The following SLCO4A1 variants were observed in gnomAD, a reference collection of about 807,000 sequenced individuals.
SLCO4A1 encodes the protein colon organic anion transporter.
A neutral mutation model predicts 64.6 loss-of-function variants in SLCO4A1; 51 were observed. The ratio of observed to expected loss-of-function variants is 0.79; its 90% CI spans 0.63 to 1.00. The LOEUF (loss-of-function observed/expected upper bound fraction) is 1.00, where lower values mean the gene tolerates loss of function less well. Among genes scored for constraint, SLCO4A1 ranks in the 50% least tolerant of loss-of-function variants. SLCO4A1 has a pLI of 0.00. For missense variants in SLCO4A1, 919 were observed against 980.5 expected, an observed-to-expected ratio of 0.94 and a Z score of 0.84; for synonymous variants, 471 against 444.9, an observed-to-expected ratio of 1.06 and a Z score of -0.74.
downstream of SLCO4A1, among the ~76,000 whole-genome samples, chr20:62,689,170 G>A (rs755569554): frequency 3.9e-5 from 6 of 152,030 alleles, no homozygotes; most frequent in Non-Finnish European, 5.9e-5. Context: ...GCGCCTCGTA[G>A]GCCTGTCCCT....
At chr20:62,686,821 CAG>C (rs897665287), downstream of SLCO4A1, among the ~76,000 whole-genome samples, 9 of 151,802 alleles carry the variant, frequency 5.9e-5, no homozygotes, top group Admixed American at 2.6e-4. Context: ...CCATTGCAGG[CAG>C]ATGAAAAGGG....
chr20:62,674,786 G>T (rs1044527475), downstream of SLCO4A1, among the ~76,000 whole-genome samples: 2 of 152,164 alleles, frequency 1.3e-5, no homozygotes, highest in African/African-American at 4.8e-5. Flanking sequence ...GATGGGATTC[G>T]TAGCCCTGTA....
downstream of SLCO4A1, among the ~76,000 whole-genome samples, chr20:62,673,220 G>A (rs1395534354): frequency 3.5e-5 from 5 of 142,490 alleles, 1 homozygote; most frequent in Non-Finnish European, 6.4e-5. Context: ...GGTGCAGGGA[G>A]AAACTTCCCG....
At position 62,665,003 on chromosome 20, in the gene SLCO4A1, T is replaced by A. The variant is rs2147094972; in HGVS notation, c.1191T>A (p.Thr397=). 1 of 1,613,244 alleles carries A rather than the reference T, an allele frequency of 6.2e-7. No homozygotes were observed. The highest frequency in any genetic ancestry group is 8.5e-7 in the Non-Finnish European group (1 of 1,179,566). The change falls in exon 6 of 12, where the codon ACT becomes ACA. Residue 397 remains threonine, a synonymous_variant. Coordinates refer to ENST00000217159, the MANE Select transcript of SLCO4A1 (RefSeq NM_016354.4). ...LLCLAGATEA[T]LITGMSTFSP... ...GCCTGGCCGGGGCCACCGAGGCCAC[T>A]CTCATCACCGGCATGTCCACGTTCA...
chr20:62,660,785 C>T (rs895965049), intron 4 of SLCO4A1, among the ~76,000 whole-genome samples: 1 of 152,214 alleles, frequency 6.6e-6, no homozygotes, highest in African/African-American at 2.4e-5. Context: ...GGCCACGGAA[C>T]AGGCTTGTCC....
At chr20:62,679,087 C>A (rs1054285865) in intron 2 of SLCO4A1, among the ~76,000 whole-genome samples, 1 of 152,070 alleles carries the variant, frequency 6.6e-6, no homozygotes, top group Non-Finnish European at 1.5e-5. Context: ...GCCTGTAATC[C>A]CAGCTACTGC....
intron 5 of SLCO4A1, among the ~76,000 whole-genome samples, chr20:62,664,495 C>T (rs1601657320): frequency 6.6e-6 from 1 of 152,196 alleles, no homozygotes; most frequent in Admixed American, 6.5e-5. Context: ...CTTTTTCAGG[C>T]CCTGCTGCTG....
chr20:62,675,216 G>A (rs527623314), downstream of SLCO4A1, among the ~76,000 whole-genome samples: 53 of 152,322 alleles, frequency 3.5e-4, no homozygotes, highest in African/African-American at 1.3e-3. Context: ...GCGACTGGGT[G>A]TATGCTGGGC....
chr20:62,689,910 G>T (rs921116006), downstream of SLCO4A1, among the ~76,000 whole-genome samples: 6 of 152,232 alleles, frequency 3.9e-5, no homozygotes, highest in Non-Finnish European at 8.8e-5. Flanking sequence ...CATGAAAGGG[G>T]TGGAGCAGAT....
At chr20:62,670,217 ACT>A (rs894637387) in intron 11 of SLCO4A1, 29 of 152,076 alleles carry the variant, frequency 1.9e-4, no homozygotes, top group Non-Finnish European at 3.2e-4. Context: ...ATAACGGTTG[ACT>A]CTCTGTTAGG....
At chr20:62,687,016 G>A (rs554410818), downstream of SLCO4A1, among the ~76,000 whole-genome samples, 15 of 149,978 alleles carry the variant, frequency 1.0e-4, no homozygotes, top group African/African-American at 3.7e-4. Context: ...CCCCAAACAG[G>A]CACAATGGGA....
At chr20:62,666,090 T>TC (rs1986187883) in intron 6 of SLCO4A1, 1 of 66,396 alleles carries the variant, frequency 1.5e-5, no homozygotes, top group Non-Finnish European at 3.3e-5. Flanking sequence ...TGGGCTCTCC[T>TC]CCTCCCCCCG....
At chr20:62,687,162 G>A (rs867843682), downstream of SLCO4A1, among the ~76,000 whole-genome samples, 11 of 144,644 alleles carry the variant, frequency 7.6e-5, no homozygotes, top group Admixed American at 2.7e-4. Flanking sequence ...AAACAGGAGC[G>A]ATGGAAAGGG....
chr20:62,678,173 G>A (rs1456453240), intron 2 of SLCO4A1, among the ~76,000 whole-genome samples: 4 of 152,214 alleles, frequency 2.6e-5, no homozygotes, highest in African/African-American at 7.2e-5. Flanking sequence ...GGCGAGCGGC[G>A]ACTCCAGGCA....
Position 62,664,875 on chromosome 20 carries a change from C to T in SLCO4A1, c.1122-59C>T, listed in dbSNP as rs530446705. 51 of 1,506,650 alleles carry T rather than the reference C, an allele frequency of 3.4e-5. 1 individual carries two copies. The South Asian group carries it at 6.6e-4, about 19-fold the overall frequency. 93.3% of individuals were successfully genotyped at this position (1,506,650 alleles called of 1,614,324 possible). ...GACCCTCAGTCTCTTCTCCACACCC[C>T]GACCTCTGCCCACCACTCTGACCCT... On this transcript the variant is annotated intron_variant, in intron 5 of 11. Coordinates refer to ENST00000217159, the MANE Select transcript of SLCO4A1 (RefSeq NM_016354.4).
downstream of SLCO4A1, among the ~76,000 whole-genome samples, chr20:62,690,272 G>A (rs897139626): frequency 5.9e-5 from 9 of 152,196 alleles, no homozygotes; most frequent in Non-Finnish European, 5.9e-5. Context: ...CTGGGTGTCC[G>A]ACGTCTCATC....
intron 3 of SLCO4A1, among the ~76,000 whole-genome samples, chr20:62,659,029 C>T (rs542626751): frequency 6.6e-6 from 1 of 152,374 alleles, no homozygotes; most frequent in South Asian, 2.1e-4. Flanking sequence ...CCCAGCGAGC[C>T]CTGGCCACTA....
intron 1 of SLCO4A1, among the ~76,000 whole-genome samples, chr20:62,652,816 C>G (rs1397034712): frequency 6.6e-6 from 1 of 152,232 alleles, no homozygotes; most frequent in African/African-American, 2.4e-5. Flanking sequence ...TCCGAGGCCT[C>G]CAAATACGGC....
chr20:62,648,109 C>T (rs941196436), intron 1 of SLCO4A1, among the ~76,000 whole-genome samples: 3 of 152,258 alleles, frequency 2.0e-5, no homozygotes, highest in African/African-American at 7.2e-5. Context: ...CCCGGCTGAT[C>T]GCCTTGGCCT....
Sources: allele counts gnomAD v4.1 joint callset (sites outside exome capture counted in the v4.1 genomes callset), GRCh38; gene constraint gnomAD v4.1.1; transcripts MANE v1.5; gene names NCBI Gene and HGNC (gene_info 2026-07-23, HGNC 2026-07-21).